The following GNA15 variants were observed in gnomAD, a reference collection of about 807,000 sequenced individuals.
GNA15 encodes guanine nucleotide-binding protein subunit alpha-15.
Under a neutral mutation model 40.1 loss-of-function variants are expected in GNA15, and 23 were observed. That is an observed-to-expected ratio of 0.57 (90% CI 0.41 to 0.81). The LOEUF (loss-of-function observed/expected upper bound fraction) is 0.81, where lower values mean the gene tolerates loss of function less well. Among genes scored for constraint, GNA15 ranks in the 40% least tolerant of loss-of-function variants. GNA15 has a pLI of 0.00. For synonymous variants in GNA15, 226 were observed against 210.4 expected (o/e 1.07, Z -0.64); for missense variants, 522 against 515.8 (o/e 1.01, Z -0.12).
At chr19:3,160,083 T>C (rs1644748809) in intron 6 of GNA15, among the ~76,000 whole-genome samples, 2 of 152,198 alleles carry the variant, frequency 1.3e-5, no homozygotes, top group Admixed American at 1.3e-4. Context: ...GTCATTTTCC[T>C]TTGCTTATGA....
Position 3,148,714 on chromosome 19 carries a change from T to C in GNA15, c.269T>C (p.Met90Thr), listed in dbSNP as rs1914795414. 2 of 1,603,176 alleles carry C rather than the reference T, an allele frequency of 1.2e-6. No individual in the cohort carries two copies. The highest frequency in any genetic ancestry group is 1.7e-6 in the Non-Finnish European group (2 of 1,175,440). The change falls in exon 2 of 7, where the codon ATG (methionine) becomes ACG (threonine). Residue 90 changes from methionine to threonine, a missense_variant. Physicochemically the swap from Met to Thr is moderately conservative, Grantham distance 81. Transcript: ENST00000262958. ...PLVYQNIFVSMRAMIEAMERL... is the reference protein window; with the variant it reads ...PLVYQNIFVSTRAMIEAMERL... ...GTCTACCAGAACATCTTCGTGTCCA[T>C]GCGGGCCATGATCGAGGCCATGGAG...
chr19:3,140,293 C>A (rs554379265), intron 1 of GNA15, among the ~76,000 whole-genome samples: 2 of 152,236 alleles, frequency 1.3e-5, no homozygotes, highest in East Asian at 3.9e-4. Flanking sequence ...TGTTCTCCTG[C>A]TACTGTCTGT....
Position 3,147,994 on chromosome 19 carries a change from C to A in GNA15, c.146-597C>A, listed in dbSNP as rs183258997. The stretch of plus-strand genomic sequence containing the variant: ...CCCTCAAGCAGCCGGAGTTTGCGAC[C>A]CTTACCGTGAGCATTTTATAATCAA... On this transcript the variant is annotated intron_variant, in intron 1 of 6. Coordinates refer to ENST00000262958, the MANE Select transcript of GNA15 (RefSeq NM_002068.4). Among the ~76,000 whole-genome samples the A allele has an allele frequency of 9.9e-5, 15 of 152,146 alleles. No homozygotes were observed. In the East Asian group the frequency reaches 2.9e-3, roughly 29 times the overall value.
intron 1 of GNA15, chr19:3,146,520 G>A (rs1914724751): frequency 6.6e-6 from 1 of 152,052 alleles, no homozygotes; most frequent in South Asian, 2.1e-4. Flanking sequence ...GTTTCAGCTT[G>A]CACCCAGCCC....
At chr19:3,140,033 C>CAAAA (rs61178299) in intron 1 of GNA15, among the ~76,000 whole-genome samples, 4,372 of 94,886 alleles carry the variant, frequency 0.046, 165 homozygotes, top group East Asian at 0.1. Flanking sequence ...AACTCCATCT[C>CAAAA]AAAAAAAAAA....
intron 6 of GNA15, among the ~76,000 whole-genome samples, chr19:3,159,047 C>T (rs1443887481): frequency 2.0e-5 from 3 of 151,830 alleles, no homozygotes; most frequent in Non-Finnish European, 2.9e-5. Flanking sequence ...TTTTTTGAGA[C>T]GGAGTCTCGC....
At chr19:3,145,359 A>ATATATATATATATATTTT in intron 1 of GNA15, among the ~76,000 whole-genome samples, 16 of 46,958 alleles carry the variant, frequency 3.4e-4, no homozygotes, top group Non-Finnish European at 5.4e-4. Flanking sequence ...ATATATATAT[A>ATATATATATATATATTTT]TTTTTTTTTT....
At chr19:3,153,115 CACTT>C (rs1224566792) in intron 4 of GNA15, among the ~76,000 whole-genome samples, 2 of 152,076 alleles carry the variant, frequency 1.3e-5, no homozygotes, top group Non-Finnish European at 2.9e-5. Context: ...AGAGCTGTAA[CACTT>C]ACTGCGAAGG....
intron 1 of GNA15, among the ~76,000 whole-genome samples, chr19:3,140,044 A>AAAAAATCTATCT (rs71307196): frequency 4.8e-5 from 6 of 124,054 alleles, no homozygotes; most frequent in South Asian, 2.5e-4. Flanking sequence ...AAAAAAAAAA[A>AAAAAATCTATCT]ATCTATCTAT....
At chr19:3,148,458 G>A in intron 1 of GNA15, 133 bp from the exon 2 acceptor site, 1 of 804,726 alleles carries the variant, frequency 1.2e-6, no homozygotes, top group Non-Finnish European at 1.9e-6. Context: ...GGGTCACTGA[G>A]TGAGGTCCCG....
chr19:3,137,845 C>A (rs796400207), intron 1 of GNA15, among the ~76,000 whole-genome samples: 1 of 152,120 alleles, frequency 6.6e-6, no homozygotes, highest in Non-Finnish European at 1.5e-5. Context: ...GCTATAATCC[C>A]AGCTACTCGG....
In GNA15 at chr19:3,150,131, C is replaced by T. The variant is rs141840304; in HGVS notation, c.331C>T (p.His111Tyr). The T allele has an allele frequency of 5.6e-6, 9 of 1,612,000 alleles. No individual in the cohort carries two copies. In the African/African-American group the frequency reaches 1.1e-4, roughly 19 times the overall value. ...QIPFSRPESK[H>Y]HASLVMSQDP... ...AACTGCCCCCGTCCTCCCTCCCCAG[C>T]ACCACGCTAGCCTGGTCATGAGCCA... Residue 111 changes from histidine to tyrosine, a missense_variant and splice_region_variant, in exon 3 of 7, where the codon CAC becomes TAC. By Grantham distance (83) the His-to-Tyr change is moderately conservative. Coordinates refer to ENST00000262958, the MANE Select transcript of GNA15 (RefSeq NM_002068.4).
rs755162317 is a variant in GNA15, at chr19:3,151,732, A to C, written c.511A>C (p.Thr171Pro). 2.5e-6 allele frequency: 4 copies of C among 1,607,566 alleles called. No individual in the cohort carries two copies. The South Asian group carries it at 4.4e-5, about 18-fold the overall frequency. Residue 171 changes from threonine (T) to proline (P), a missense_variant, in exon 4 of 7, where the codon ACC becomes CCC. Thr to Pro is a conservative substitution (Grantham distance 38, BLOSUM62 -1). Transcript: ENST00000262958. This position sits in a 1 kb window ranked among gnomAD's most constrained non-coding sequence, Gnocchi z 5.0. Reference sequence around the variant, plus strand: ...CTACCTGTCCCACCTGGAGCGCATCACCGAGGAGGGCTACGTCCCCACAGC... The same window carrying C: ...CTACCTGTCCCACCTGGAGCGCATCCCCGAGGAGGGCTACGTCCCCACAGC... ...VYYLSHLERI[T>P]EEGYVPTAQD...
At chr19:3,140,419 A>C (rs11880497) in intron 1 of GNA15, among the ~76,000 whole-genome samples, 42,074 of 151,848 alleles carry the variant, frequency 0.28, 6,000 homozygotes, top group Non-Finnish European at 0.32. Flanking sequence ...TCTTTCCTCG[A>C]ATACCTCAAG....
rs1489677427 is a variant in GNA15 at position 3,148,620 on chromosome 19, A to G, written c.175A>G (p.Ile59Val). 1 of 1,586,746 alleles carries G rather than the reference A, an allele frequency of 6.3e-7. No individual in the cohort carries two copies. Among genetic ancestry groups the G allele is most frequent in the Non-Finnish European group, 8.6e-7 (1 of 1,166,190 alleles). ...AGGCGAGAGCGGGAAGAGCACCTTC[A>G]TCAAGCAGATGCGGATCATCCACGG... Reference protein sequence around the residue: ...GPGESGKSTFIKQMRIIHGAG... With the variant: ...GPGESGKSTFVKQMRIIHGAG... Residue 59 changes from isoleucine to valine, a missense_variant, in exon 2 of 7, where the codon ATC becomes GTC. Ile to Val is a conservative substitution (Grantham distance 29, BLOSUM62 3). Coordinates refer to ENST00000262958, the MANE Select transcript of GNA15 (RefSeq NM_002068.4).
rs72983023 is a variant in GNA15, at chr19:3,151,688, A to G, written c.486-19A>G. On this transcript the variant is annotated intron_variant, in intron 3 of 6. Transcript: ENST00000262958. This position sits in a 1 kb window ranked among gnomAD's most constrained non-coding sequence, Gnocchi z 5.0. ...GAGGCTGGCTGCAAGGCTGGGCCTC[A>G]GGACTCCTTGCTCTGCAGCTACCTG... 1.3e-6 allele frequency: 2 copies of G among 1,570,986 alleles called. No homozygotes were observed. Among genetic ancestry groups the G allele is most frequent in the Non-Finnish European group, 1.7e-6 (2 of 1,158,320 alleles).
At chr19:3,157,685 C>G in intron 5 of GNA15, 43 bp from the exon 6 acceptor site, 1 of 1,589,034 alleles carries the variant, frequency 6.3e-7, no homozygotes, top group South Asian at 1.1e-5. Flanking sequence ...TCCTGTCCCA[C>G]CTGGCTGGTT....
Position 3,136,558 on chromosome 19 carries a change from G to C in GNA15, c.108G>C (p.Lys36Asn). ...TCAACAGGATCCTCTTGGAGCAGAA[G>C]AAGCAGGACCGCGGGGAGCTGAAGC... ...QEINRILLEQ[K>N]KQDRGELKLL... The change falls in exon 1 of 7, where the codon AAG (lysine) becomes AAC (asparagine). Residue 36 changes from lysine (K) to asparagine (N), a missense_variant. By Grantham distance (94) the Lys-to-Asn change is moderately conservative (BLOSUM62 0). Coordinates refer to ENST00000262958, the MANE Select transcript of GNA15 (RefSeq NM_002068.4). The surrounding 1 kb of genome is among the most constrained non-coding windows in gnomAD (Gnocchi z 4.9). 5 of 1,568,394 alleles carry C rather than the reference G, an allele frequency of 3.2e-6. No individual in the cohort carries two copies. The highest frequency in any genetic ancestry group is 4.3e-6 in the Non-Finnish European group (5 of 1,156,932).
chr19:3,159,346 CTT>C (rs112224395), intron 6 of GNA15, among the ~76,000 whole-genome samples: 44,457 of 114,942 alleles, frequency 0.39, 8,156 homozygotes, highest in Middle Eastern at 0.47. Context: ...AATTTCTTTT[CTT>C]TTTTTTTTTT....
Sources: allele counts gnomAD v4.1 joint callset (sites outside exome capture counted in the v4.1 genomes callset), GRCh38; gene constraint gnomAD v4.1.1; non-coding constraint Gnocchi (gnomAD v3.1); transcripts MANE v1.5; gene names NCBI Gene and HGNC (gene_info 2026-07-23, HGNC 2026-07-21).